AGPAT4: variants seen among roughly 807,000 people sequenced by gnomAD.
The protein encoded by AGPAT4 is 1-acylglycerol-3-phosphate O-acyltransferase 4.
Under a neutral mutation model 48.0 loss-of-function variants are expected in AGPAT4, and 15 were observed. The ratio of observed to expected loss-of-function variants is 0.31; its 90% CI spans 0.21 to 0.48. The LOEUF is 0.48. Ranked by LOEUF, AGPAT4 falls within the 20% of genes least tolerant of loss-of-function variation. AGPAT4 has a pLI of 0.99. For synonymous variants in AGPAT4, 178 were observed against 198.7 expected (o/e 0.90, Z 0.88); for missense variants, 314 against 482.5 (o/e 0.65, Z 3.27).
rs1452260135 is a variant in AGPAT4, at chr6:161,142,611, G to A, written c.844-2991C>T. Among the ~76,000 whole-genome samples, 3 of 152,158 alleles carry A rather than the reference G, an allele frequency of 2.0e-5. No individual in the cohort carries two copies. In the East Asian group the frequency reaches 5.8e-4, roughly 29 times the overall value. Reference sequence around the variant, plus strand: ...TGCGAAGGAGACGTCCACACAGCACGTCCGCTCAGCTTTCCCAGGGCCCAG... The same window carrying A: ...TGCGAAGGAGACGTCCACACAGCACATCCGCTCAGCTTTCCCAGGGCCCAG... On this transcript the variant is annotated intron_variant, in intron 7 of 8. Coordinates refer to ENST00000320285, the MANE Select transcript of AGPAT4 (RefSeq NM_020133.3). The surrounding 1 kb of genome is among the most constrained non-coding windows in gnomAD (Gnocchi z 6.4).
In AGPAT4 at chr6:161,130,171, A is replaced by AG. The variant is rs1778856667; in HGVS notation, c.*6368dup. 1 of 152,240 alleles carries AG rather than the reference A, an allele frequency of 6.6e-6. No individual in the cohort carries two copies. Among genetic ancestry groups the AG allele is most frequent in the African/African-American group, 2.4e-5 (1 of 41,456 alleles). 9.4% of individuals were successfully genotyped at this position (152,240 alleles called of 1,614,324 possible). Reference sequence around the variant, plus strand: ...ATCAGTTCTCTGTTTCACATTAAAAAGTTACCATTCATTCGGTCCAAACAT... The same window carrying AG: ...ATCAGTTCTCTGTTTCACATTAAAAAGGTTACCATTCATTCGGTCCAAACAT... On this transcript the variant is annotated 3_prime_UTR_variant, in exon 9 of 9. Coordinates refer to ENST00000320285, the MANE Select transcript of AGPAT4 (RefSeq NM_020133.3).
intron 1 of AGPAT4, among the ~76,000 whole-genome samples, chr6:161,250,521 G>A (rs1396931449): frequency 1.3e-5 from 2 of 151,710 alleles, no homozygotes; most frequent in African/African-American, 4.8e-5. Flanking sequence ...TTATATTTAG[G>A]CTTCTTTGTG....
rs1218890702 is a variant in AGPAT4, at chr6:161,197,078, C to T, written c.179-30661G>A. On this transcript the variant is annotated intron_variant, in intron 2 of 8. Transcript: ENST00000320285. The surrounding 1 kb of genome is among the most constrained non-coding windows in gnomAD (Gnocchi z 5.7). The stretch of plus-strand genomic sequence containing the variant: ...TGCTTTACAGGAAAATGACACCAAC[C>T]ACTTTCCCAAACTTGTTTCATGGAA... Among the ~76,000 whole-genome samples the T allele has an allele frequency of 6.6e-6, 1 of 152,170 alleles. No individual in the cohort carries two copies. Among genetic ancestry groups the T allele is most frequent in the Non-Finnish European group, 1.5e-5 (1 of 68,034 alleles).
chr6:161,157,108 C>T (rs992798702), intron 3 of AGPAT4, among the ~76,000 whole-genome samples: 2 of 152,232 alleles, frequency 1.3e-5, no homozygotes, highest in African/African-American at 4.8e-5. Flanking sequence ...CCTCTAGCAC[C>T]GCTGGGTTAG....
Position 161,233,393 on chromosome 6 carries a change from G to GACGTCTAATGTT in AGPAT4, c.-89-1103_-89-1092dup, listed in dbSNP as rs1455436422. 2.6e-5 allele frequency among the ~76,000 whole-genome samples: 4 copies of GACGTCTAATGTT among 152,230 alleles called. No individual in the cohort carries two copies. The East Asian group carries it at 7.7e-4, about 29-fold the overall frequency. On this transcript the variant is annotated intron_variant, in intron 1 of 8. Coordinates refer to ENST00000320285, the MANE Select transcript of AGPAT4 (RefSeq NM_020133.3). The surrounding 1 kb of genome is among the most constrained non-coding windows in gnomAD (Gnocchi z 5.4). ...AGAGCCTGGCAGACTACCCCAGGAAGACGTCTAATGTTACGACAAACTTTC... is the reference window on the plus strand; with the variant it reads ...AGAGCCTGGCAGACTACCCCAGGAAGACGTCTAATGTTACGTCTAATGTTACGACAAACTTTC...
chr6:161,265,350 T>C (rs1387528138), intron 1 of AGPAT4, among the ~76,000 whole-genome samples: 1 of 137,360 alleles, frequency 7.3e-6, no homozygotes, highest in African/African-American at 2.8e-5. Context: ...TGCTGATTAG[T>C]ACCCACCGCT....
chr6:161,233,485 A>C lies in AGPAT4; in HGVS notation c.-89-1183T>G, dbSNP rs143209921. ...TTTTAATAATGAACAATCTGTATAC[A>C]GATGGTCCTCGACTTATGATTCCAC... On this transcript the variant is annotated intron_variant, in intron 1 of 8. Coordinates refer to ENST00000320285, the MANE Select transcript of AGPAT4 (RefSeq NM_020133.3). The surrounding 1 kb of genome is among the most constrained non-coding windows in gnomAD (Gnocchi z 5.4). 1.3e-5 allele frequency among the ~76,000 whole-genome samples: 2 copies of C among 152,334 alleles called. No individual in the cohort carries two copies. Among genetic ancestry groups the C allele is most frequent in the East Asian group, 1.9e-4 (1 of 5,188 alleles).
In AGPAT4 at chr6:161,226,945, G is replaced by T. The variant is rs1201079394; in HGVS notation, c.178+5091C>A. Among the ~76,000 whole-genome samples, 1 of 152,156 alleles carries T rather than the reference G, an allele frequency of 6.6e-6. No individual in the cohort carries two copies. Among genetic ancestry groups the T allele is most frequent in the Non-Finnish European group, 1.5e-5 (1 of 68,016 alleles). On this transcript the variant is annotated intron_variant, in intron 2 of 8. Coordinates refer to ENST00000320285, the MANE Select transcript of AGPAT4 (RefSeq NM_020133.3). This position sits in a 1 kb window ranked among gnomAD's most constrained non-coding sequence, Gnocchi z 6.3. ...TCCTAGGCAAAGCAGGGAAGAAGAA[G>T]GAAGAAGGAATAGAAGAAGGAAAGA...
intron 2 of AGPAT4, among the ~76,000 whole-genome samples, chr6:161,186,939 T>G (rs1583313270): frequency 6.6e-6 from 1 of 152,130 alleles, no homozygotes; most frequent in East Asian, 1.9e-4. Context: ...TCACCTCCCT[T>G]AGGAGTAGTC....
Position 161,178,550 on chromosome 6 carries a change from A to C in AGPAT4, c.179-12133T>G, listed in dbSNP as rs1384254948. On this transcript the variant is annotated intron_variant, in intron 2 of 8. Transcript: ENST00000320285. This position sits in a 1 kb window ranked among gnomAD's most constrained non-coding sequence, Gnocchi z 5.1. ...TCTGTCACCGCTTCCCTTGGCTAGG[A>C]AAGGGAATTCCCGGACCCCTGCACT... is the stretch of plus-strand genomic sequence containing the variant. 6.6e-6 allele frequency among the ~76,000 whole-genome samples: 1 copy of C among 152,154 alleles called. No homozygotes were observed. The highest frequency in any genetic ancestry group is 1.5e-5 in the Non-Finnish European group (1 of 68,022).
At position 161,223,197 on chromosome 6, in the gene AGPAT4, C is replaced by T. The variant is rs1781876653; in HGVS notation, c.178+8839G>A. The stretch of plus-strand genomic sequence containing the variant: ...CAGCTGCACCCCTCTCATCTCTGTT[C>T]TCCAGGTGCTGACCCCAGTGCCTGG... On this transcript the variant is annotated intron_variant, in intron 2 of 8. Coordinates refer to ENST00000320285, the MANE Select transcript of AGPAT4 (RefSeq NM_020133.3). The surrounding 1 kb of genome is among the most constrained non-coding windows in gnomAD (Gnocchi z 6.3). 6.6e-6 allele frequency among the ~76,000 whole-genome samples: 1 copy of T among 152,180 alleles called. No homozygotes were observed. The highest frequency in any genetic ancestry group is 2.1e-4 in the South Asian group (1 of 4,830).
chr6:161,185,049 G>A (rs1201510428), intron 2 of AGPAT4, among the ~76,000 whole-genome samples: 1 of 151,332 alleles, frequency 6.6e-6, no homozygotes, highest in African/African-American at 2.4e-5. Context: ...GGAGCGGGGG[G>A]TCTGTTCTAA....
rs2314190 is a variant in AGPAT4 at position 161,138,775 on chromosome 6, A to G, written c.1042+647T>C. Among the ~76,000 whole-genome samples the G allele has an allele frequency of 0.25, 38,144 of 152,044 alleles. 7,011 individuals are homozygous for G. The highest frequency in any genetic ancestry group is 0.53 in the African/African-American group (21,778 of 41,406). On this transcript the variant is annotated intron_variant, in intron 8 of 8. Coordinates refer to ENST00000320285, the MANE Select transcript of AGPAT4 (RefSeq NM_020133.3). This position sits in a 1 kb window ranked among gnomAD's most constrained non-coding sequence, Gnocchi z 4.8. ...ACAGGGCCTTTCACAGGGAAACCCCAAAGTCTTCCTTGGCTCCAGGAAGCA... is the reference window on the plus strand; with the variant it reads ...ACAGGGCCTTTCACAGGGAAACCCCGAAGTCTTCCTTGGCTCCAGGAAGCA...
chr6:161,170,354 T>C (rs1291403782), intron 2 of AGPAT4, among the ~76,000 whole-genome samples: 1 of 152,136 alleles, frequency 6.6e-6, no homozygotes, highest in African/African-American at 2.4e-5. Context: ...ACACTTCCTC[T>C]TTACCGCCCC....
In AGPAT4 at chr6:161,219,941, G is replaced by GACA. The variant is rs1562344006; in HGVS notation, c.178+12094_178+12095insTGT. On this transcript the variant is annotated intron_variant, in intron 2 of 8. Transcript: ENST00000320285. The surrounding 1 kb of genome is among the most constrained non-coding windows in gnomAD (Gnocchi z 4.9). ...CGGCAGGCAGGCAGGCAGGCAGGCAGGCAGGCAGACAGACAGACAGACAGA... is the reference window on the plus strand; with the variant it reads ...CGGCAGGCAGGCAGGCAGGCAGGCAGACAGCAGGCAGACAGACAGACAGACAGA... Among the ~76,000 whole-genome samples, 179 of 146,688 alleles carry GACA rather than the reference G, an allele frequency of 1.2e-3. 1 individual carries two copies. The highest frequency in any genetic ancestry group is 7.2e-3 in the Middle Eastern group (2 of 278).
chr6:161,194,390 C>T (rs1373035865), intron 2 of AGPAT4, among the ~76,000 whole-genome samples: 1 of 151,960 alleles, frequency 6.6e-6, no homozygotes, highest in African/African-American at 2.4e-5. Context: ...CTCCTGTCTC[C>T]TCTGTCAGCC....
chr6:161,137,082 A>G lies in AGPAT4; in HGVS notation c.1043-448T>C, dbSNP rs970532195. On this transcript the variant is annotated intron_variant, in intron 8 of 8. Transcript: ENST00000320285. This position sits in a 1 kb window ranked among gnomAD's most constrained non-coding sequence, Gnocchi z 6.1. Reference sequence around the variant, plus strand: ...TATCGAGTGCCCAACACGTTTCAGCACTGCTTTTGGTGCAAGCGTTAGAGC... The same window carrying G: ...TATCGAGTGCCCAACACGTTTCAGCGCTGCTTTTGGTGCAAGCGTTAGAGC... 6.6e-6 allele frequency among the ~76,000 whole-genome samples: 1 copy of G among 152,200 alleles called. No individual in the cohort carries two copies. The highest frequency in any genetic ancestry group is 2.4e-5 in the African/African-American group (1 of 41,456).
At position 161,146,160 on chromosome 6, in the gene AGPAT4, G is replaced by C. The variant is rs1779417508; in HGVS notation, c.843+364C>G. Among the ~76,000 whole-genome samples the C allele has an allele frequency of 6.6e-6, 1 of 151,462 alleles. No homozygotes were observed. Among genetic ancestry groups the C allele is most frequent in the Non-Finnish European group, 1.5e-5 (1 of 68,022 alleles). ...TCTGGAGATGCTTTGAGATCAGATTGACAACCAAATTGTTGATCCAGAAGC... is the reference window on the plus strand; with the variant it reads ...TCTGGAGATGCTTTGAGATCAGATTCACAACCAAATTGTTGATCCAGAAGC... On this transcript the variant is annotated intron_variant, in intron 7 of 8. Coordinates refer to ENST00000320285, the MANE Select transcript of AGPAT4 (RefSeq NM_020133.3). The surrounding 1 kb of genome is among the most constrained non-coding windows in gnomAD (Gnocchi z 7.1).
rs1782065133 is a variant in AGPAT4 at position 161,229,398 on chromosome 6, G to A, written c.178+2638C>T. 6.6e-6 allele frequency among the ~76,000 whole-genome samples: 1 copy of A among 152,176 alleles called. No homozygotes were observed. Among genetic ancestry groups the A allele is most frequent in the Non-Finnish European group, 1.5e-5 (1 of 68,044 alleles). On this transcript the variant is annotated intron_variant, in intron 2 of 8. Transcript: ENST00000320285. The surrounding 1 kb of genome is among the most constrained non-coding windows in gnomAD (Gnocchi z 6.0). The stretch of plus-strand genomic sequence containing the variant: ...CAGCATAGACGCTGCAGAGTCATCT[G>A]CTAGTTAAGCTGCTGAATTCCCCAC...
Sources: gnomAD v4.1 joint callset for allele counts (sites outside exome capture counted in the v4.1 genomes callset) on GRCh38, gnomAD v4.1.1 for gene constraint, Gnocchi (gnomAD v3.1) non-coding constraint, MANE v1.5 for transcripts, NCBI Gene and HGNC (gene_info 2026-07-23, HGNC 2026-07-21) for gene names.